Variants in ZFYVE26 observed in about 807,000 individuals in gnomAD.
ZFYVE26 encodes zinc finger FYVE domain-containing protein 26.
A neutral mutation model predicts 276.5 loss-of-function variants in ZFYVE26; 181 were observed. The observed-to-expected ratio is 0.65, with a 90% confidence interval of 0.58 to 0.74. The LOEUF is 0.74. Among genes scored for constraint, ZFYVE26 ranks in the 30% least tolerant of loss-of-function variants. The pLI is 0.00. For missense variants in ZFYVE26, 2,821 were observed against 3,097.9 expected, an observed-to-expected ratio of 0.91 and a Z score of 2.12; for synonymous variants, 1,129 against 1,203.1, an observed-to-expected ratio of 0.94 and a Z score of 1.27.
intron 13 of ZFYVE26, among the ~76,000 whole-genome samples, chr14:67,730,322 T>C (rs559477016): frequency 6.9e-4 from 105 of 152,318 alleles, no homozygotes; most frequent in Middle Eastern, 6.8e-3. Flanking sequence ...CATGTTGCTA[T>C]TGAGCACTTG....
At chr14:67,794,122 T>C (rs756651009) in intron 13 of ZFYVE26, 49 bp downstream of exon 13, 6 of 1,584,244 alleles carry the variant, frequency 3.8e-6, no homozygotes, top group Non-Finnish European at 5.2e-6. Context: ...GGCAACTCTA[T>C]ATCAGGGCAA....
chr14:67,743,182 C>T (rs575443447), downstream of ZFYVE26, among the ~76,000 whole-genome samples: 106 of 152,044 alleles, frequency 7.0e-4, no homozygotes, highest in Non-Finnish European at 1.2e-3. Flanking sequence ...GTAATAACAA[C>T]ACTCCTTAAT....
intron 13 of ZFYVE26, among the ~76,000 whole-genome samples, chr14:67,738,581 T>G (rs991885010): frequency 2.0e-5 from 3 of 151,854 alleles, no homozygotes; most frequent in African/African-American, 7.2e-5. Flanking sequence ...AAGACTTATA[T>G]TTTGAAATTA....
intron 37 of ZFYVE26, 38 bp from the exon 38 acceptor site, chr14:67,754,250 G>A (rs200185626): frequency 1.3e-4 from 203 of 1,613,820 alleles, no homozygotes; most frequent in Non-Finnish European, 1.7e-4. Flanking sequence ...GCCTCATGAG[G>A]GGCCCCAGGT....
rs374954782 is a variant in ZFYVE26, at chr14:67,797,605, TAA to T, written c.2332+65_2332+66del. On this transcript the variant is annotated intron_variant, in intron 12 of 41. Transcript: ENST00000347230. ...TTGTTTTTGACCATGTGCTGTTTCT[TAA>T]AGAGTATTAGACAAGCAGCATTACA... 1,025 of 1,527,844 alleles carry T rather than the reference TAA, an allele frequency of 6.7e-4. 7 individuals carry two copies. The South Asian group carries it at 9.7e-3, about 14-fold the overall frequency. 94.6% of individuals were successfully genotyped at this position (1,527,844 alleles called of 1,614,324 possible). A position where few individuals can be genotyped will look rare whatever the true frequency, so the allele number is the denominator to read the frequency against.
At chr14:67,794,902 T>C (rs1397770015) in intron 12 of ZFYVE26, among the ~76,000 whole-genome samples, 1 of 152,172 alleles carries the variant, frequency 6.6e-6, no homozygotes, top group Non-Finnish European at 1.5e-5. Context: ...TGAGCTATGA[T>C]TGTGCCACTG....
intron 15 of ZFYVE26, 113 bp downstream of exon 15, chr14:67,790,459 T>C: frequency 8.7e-7 from 1 of 1,147,452 alleles, no homozygotes; most frequent in Non-Finnish European, 1.3e-6. Flanking sequence ...GCAGGTGTCC[T>C]GTATTTAATT....
In ZFYVE26 at chr14:67,815,954, GA is replaced by G; in HGVS notation, c.9del (p.Pro4HisfsTer47). ...GAAGCAGCTTCCTCTTTTCCAAATGGATGATTCATTTTCCCAGCACAGAGTG... is the reference window on the plus strand; with the variant it reads ...GAAGCAGCTTCCTCTTTTCCAAATGGTGATTCATTTTCCCAGCACAGAGTG... MN[H>X]PFGKEEAASQ... On this transcript the variant is annotated frameshift_variant, in exon 2 of 42. Coordinates refer to ENST00000347230, the MANE Select transcript of ZFYVE26 (RefSeq NM_015346.4). LOFTEE classifies it high-confidence loss of function. 1.2e-6 allele frequency: 2 copies of G among 1,611,164 alleles called. No individual in the cohort carries two copies. The highest frequency in any genetic ancestry group is 1.7e-6 in the Non-Finnish European group (2 of 1,179,064).
chr14:67,739,697 A>C (rs1032118948), intron 13 of ZFYVE26, among the ~76,000 whole-genome samples: 2 of 152,148 alleles, frequency 1.3e-5, no homozygotes, highest in Non-Finnish European at 2.9e-5. Flanking sequence ...ACAGATATCC[A>C]TGGAGAAAAC....
chr14:67,778,054 A>C, intron 24 of ZFYVE26, 72 bp downstream of exon 24: 1 of 1,601,970 alleles, frequency 6.2e-7, no homozygotes, highest in South Asian at 1.1e-5. Flanking sequence ...TCAACATGAA[A>C]ATAAAGCCAT....
At chr14:67,755,800 A>G in intron 36 of ZFYVE26, 148 bp downstream of exon 36, 1 of 906,576 alleles carries the variant, frequency 1.1e-6, no homozygotes, top group Non-Finnish European at 1.8e-6. Context: ...ATTTAACAAT[A>G]CTGGAGAGCA....
intron 28 of ZFYVE26, 103 bp downstream of exon 28, chr14:67,771,944 G>T: frequency 2.1e-6 from 3 of 1,451,598 alleles, no homozygotes; most frequent in Non-Finnish European, 2.8e-6. Flanking sequence ...TGAAAATACC[G>T]ATATTCTCCT....
rs532012560 is a variant in ZFYVE26, at chr14:67,760,838, G to T, written c.6588+528C>A. The T allele has an allele frequency of 9.5e-5, 18 of 190,338 alleles. No individual in the cohort carries two copies. In the East Asian group the frequency reaches 1.0e-3, roughly 11 times the overall value. The allele number at this position is 190,338 out of a possible 1,614,324, so 11.8% of individuals were successfully genotyped here. ...TGGTGCCTTTGCTTCCAGTGGGAGG[G>T]GGGCAGAGGATGGGAGAAGAAAAAA... is the stretch of plus-strand genomic sequence containing the variant. On this transcript the variant is annotated intron_variant, in intron 35 of 41. Coordinates refer to ENST00000347230, the MANE Select transcript of ZFYVE26 (RefSeq NM_015346.4).
chr14:67,782,116 A>T (rs1323405402), intron 21 of ZFYVE26, among the ~76,000 whole-genome samples: 1 of 152,170 alleles, frequency 6.6e-6, no homozygotes, highest in Non-Finnish European at 1.5e-5. Flanking sequence ...TTCCAAAGGG[A>T]GCCAAGCCTC....
intron 31 of ZFYVE26, 83 bp from the exon 32 acceptor site, chr14:67,766,530 A>G (rs1197861218): frequency 7.6e-7 from 1 of 1,317,708 alleles, no homozygotes; most frequent in East Asian, 2.3e-5. Flanking sequence ...GGCAGAAATT[A>G]TCCTTCCCCT....
At chr14:67,754,044 GC>G in intron 38 of ZFYVE26, 26 bp downstream of exon 38, 1 of 1,614,104 alleles carries the variant, frequency 6.2e-7, no homozygotes, top group Non-Finnish European at 8.5e-7. Flanking sequence ...ACAATAGTCT[GC>G]CAGAGGTCTG....
intron 13 of ZFYVE26, chr14:67,734,221 A>G (rs1402131335): frequency 7.1e-6 from 2 of 282,882 alleles, no homozygotes; most frequent in Non-Finnish European, 1.4e-5. Context: ...ATCACTGCCT[A>G]TTTCTAGGGG....
chr14:67,761,764 A>G (rs1022402799), intron 34 of ZFYVE26, 180 bp from the exon 35 acceptor site: 2 of 492,838 alleles, frequency 4.1e-6, no homozygotes, highest in Non-Finnish European at 6.9e-6. Context: ...ATAAAAAAAT[A>G]AAAAAACAAA....
chr14:67,761,365 C>T lies in ZFYVE26; in HGVS notation c.6588+1G>A. The T allele has an allele frequency of 6.2e-7, 1 of 1,611,818 alleles. No homozygotes were observed. On this transcript the variant is annotated splice_donor_variant, in intron 35 of 41. Coordinates refer to ENST00000347230, the MANE Select transcript of ZFYVE26 (RefSeq NM_015346.4). LOFTEE classifies it high-confidence loss of function. ...CTTTTTGAGCTGTGTCCATGTCCCA[C>T]CTTGTTGAGAAGGTGCAGAAGAGCT...
Sources: gnomAD v4.1 joint callset for allele counts (sites outside exome capture counted in the v4.1 genomes callset) on GRCh38, gnomAD v4.1.1 for gene constraint, MANE v1.5 for transcripts, NCBI Gene and HGNC (gene_info 2026-07-23, HGNC 2026-07-21) for gene names.